Variants in TENT2 observed in about 807,000 individuals in gnomAD.
TENT2 encodes the protein terminal nucleotidyltransferase 2.
TENT2 carries 44 observed loss-of-function variants against 72.2 expected under a neutral mutation model. That is an observed-to-expected ratio of 0.61 (90% CI 0.48 to 0.78). TENT2 has a LOEUF of 0.78. TENT2 is among the 30% of genes least tolerant of loss of function. TENT2 has a pLI of 0.00. For missense variants in TENT2, 541 were observed against 569.6 expected (o/e 0.95, Z 0.51); for synonymous variants, 212 against 192.5 (o/e 1.10, Z -0.84).
chr5:79,660,652 A>G (rs1802096000), intron 11 of TENT2, among the ~76,000 whole-genome samples: 1 of 152,214 alleles, frequency 6.6e-6, no homozygotes, highest in African/African-American at 2.4e-5. Flanking sequence ...ATGACAGACC[A>G]CATACATGAT....
chr5:79,619,939 TG>T, intron 2 of TENT2, 54 bp from the exon 3 acceptor site: 1 of 1,475,200 alleles, frequency 6.8e-7, no homozygotes, highest in African/African-American at 1.4e-5. Flanking sequence ...AGACTGGTTT[TG>T]TTTTTAAAGA....
In TENT2 at chr5:79,623,197, ATTTG is replaced by A. The variant is rs998280726; in HGVS notation, c.228-52_228-49del. 15 of 1,289,158 alleles carry A rather than the reference ATTTG, an allele frequency of 1.2e-5. No homozygotes were observed. In the African/African-American group the frequency reaches 1.8e-4, roughly 15 times the overall value. 79.9% of individuals were successfully genotyped at this position (1,289,158 alleles called of 1,614,324 possible). ...ATTTATATATATTTAATTGCTTTTT[ATTTG>A]TTATCAGAAAGTTGTATCTTTAATT... On this transcript the variant is annotated intron_variant, in intron 3 of 14. Coordinates refer to ENST00000453514, the MANE Select transcript of TENT2 (RefSeq NM_001114394.3).
At chr5:79,615,896 G>GT (rs1024857289) in intron 1 of TENT2, among the ~76,000 whole-genome samples, 71 of 145,286 alleles carry the variant, frequency 4.9e-4, no homozygotes, top group South Asian at 8.8e-4. Context: ...TTGTGTGTTT[G>GT]TTTTTTTTTT....
At chr5:79,685,082 A>C (rs1455232538) in intron 14 of TENT2, 117 bp from the exon 15 acceptor site, 1 of 834,512 alleles carries the variant, frequency 1.2e-6, no homozygotes, top group Admixed American at 3.0e-5. Flanking sequence ...TTTGAAGGAA[A>C]AAATTATTCA....
chr5:79,648,295 G>A (rs1013155989), intron 8 of TENT2, among the ~76,000 whole-genome samples: 1 of 151,960 alleles, frequency 6.6e-6, no homozygotes, highest in Non-Finnish European at 1.5e-5. Context: ...GCCACAGAGC[G>A]AGACTCCATC....
intron 4 of TENT2, among the ~76,000 whole-genome samples, chr5:79,624,037 A>G (rs1047418145): frequency 1.3e-5 from 2 of 152,230 alleles, no homozygotes; most frequent in African/African-American, 2.4e-5. Context: ...TTGGGGAACA[A>G]TGAGTTATTT....
chr5:79,659,196 A>G (rs1800172476), intron 11 of TENT2, among the ~76,000 whole-genome samples: 1 of 151,904 alleles, frequency 6.6e-6, no homozygotes, highest in South Asian at 2.1e-4. Flanking sequence ...ACACATTTTT[A>G]ATGGTCCGTC....
At chr5:79,683,686 C>T (rs573727452) in intron 14 of TENT2, among the ~76,000 whole-genome samples, 13 of 151,706 alleles carry the variant, frequency 8.6e-5, no homozygotes, top group East Asian at 3.9e-4. Flanking sequence ...GAGGCCGAGG[C>T]GGGCGGATCA....
rs753423567 is a variant in TENT2 at position 79,648,725 on chromosome 5, C to T, written c.898+32C>T. On this transcript the variant is annotated intron_variant, in intron 9 of 14. Coordinates refer to ENST00000453514, the MANE Select transcript of TENT2 (RefSeq NM_001114394.3). ...TTGTTGTTTGTTTATTAAAAATTAG[C>T]CTTTTTTTCTTTATTCATTTTTAAA... is the stretch of plus-strand genomic sequence containing the variant. The T allele has an allele frequency of 1.4e-5, 21 of 1,480,350 alleles. No homozygotes were observed. The East Asian group carries it at 4.1e-4, about 29-fold the overall frequency. 91.7% of individuals were successfully genotyped at this position (1,480,350 alleles called of 1,614,324 possible).
chr5:79,676,356 TGG>T (rs1289970669), intron 12 of TENT2, among the ~76,000 whole-genome samples: 2 of 151,980 alleles, frequency 1.3e-5, no homozygotes, highest in African/African-American at 4.8e-5. Flanking sequence ...GAGGCTGAGG[TGG>T]GCAGATCGCT....
Position 79,623,320 on chromosome 5 carries a change from A to G in TENT2, c.296A>G (p.Glu99Gly). 1 of 1,613,680 alleles carries G rather than the reference A, an allele frequency of 6.2e-7. No individual in the cohort carries two copies. Residue 99 changes from glutamate (E) to glycine (G), a missense_variant, in exon 4 of 15, where the codon GAG becomes GGG. Glu to Gly is a moderately conservative substitution (Grantham distance 98). Transcript: ENST00000453514. The stretch of plus-strand genomic sequence containing the variant: ...CAACGTTTCCATTCACCCCACCAAG[A>G]GCCAACTGTAGTTAACCAGATAGTG... ...KRQRFHSPHQ[E>G]PTVVNQIVPL...
At chr5:79,684,288 C>G (rs1390068474) in intron 14 of TENT2, among the ~76,000 whole-genome samples, 2 of 152,146 alleles carry the variant, frequency 1.3e-5, no homozygotes, top group Admixed American at 6.6e-5. Flanking sequence ...TTCATAAATA[C>G]TATATATTTT....
At chr5:79,681,798 C>T (rs1362778919) in intron 13 of TENT2, 184 bp from the exon 14 acceptor site, 12 of 483,242 alleles carry the variant, frequency 2.5e-5, no homozygotes, top group Non-Finnish European at 4.5e-5. Flanking sequence ...CCTTATTAGG[C>T]AGTTCATAGT....
intron 14 of TENT2, among the ~76,000 whole-genome samples, chr5:79,682,997 A>G (rs1390432588): frequency 6.6e-6 from 1 of 152,130 alleles, no homozygotes; most frequent in South Asian, 2.1e-4. Flanking sequence ...TTCATTATCT[A>G]GACATTCAAG....
In TENT2 at chr5:79,648,951, A is replaced by G. The variant is rs146459235; in HGVS notation, c.899-111A>G. The G allele has an allele frequency of 4.6e-5, 55 of 1,203,344 alleles. No homozygotes were observed. The African/African-American group carries it at 7.7e-4, about 17-fold the overall frequency. 74.5% of individuals were successfully genotyped at this position (1,203,344 alleles called of 1,614,324 possible). A position where few individuals can be genotyped will look rare whatever the true frequency, so the allele number is the denominator to read the frequency against. On this transcript the variant is annotated intron_variant, in intron 9 of 14. Coordinates refer to ENST00000453514, the MANE Select transcript of TENT2 (RefSeq NM_001114394.3). ...CACAAAGTGAACAGACACAGTGTTT[A>G]ATATACACGGAGACAGTGTTCTTTG... is the stretch of plus-strand genomic sequence containing the variant.
chr5:79,672,681 T>TA lies in TENT2; in HGVS notation c.1208+3654dup, dbSNP rs1813881673. ...TCAATAGTACTCTATTGTGGATAAG[T>TA]ACCACCTATTATTTATCCATTCCTC... On this transcript the variant is annotated intron_variant, in intron 12 of 14. Coordinates refer to ENST00000453514, the MANE Select transcript of TENT2 (RefSeq NM_001114394.3). 2.0e-5 allele frequency among the ~76,000 whole-genome samples: 3 copies of TA among 152,368 alleles called. No homozygotes were observed. In the South Asian group the frequency reaches 6.2e-4, roughly 32 times the overall value.
intron 11 of TENT2, among the ~76,000 whole-genome samples, chr5:79,661,630 C>T (rs912307240): frequency 2.0e-5 from 3 of 152,098 alleles, no homozygotes; most frequent in Non-Finnish European, 2.9e-5. Flanking sequence ...ATGTACATAC[C>T]TTTGTTTAAA....
intron 4 of TENT2, among the ~76,000 whole-genome samples, chr5:79,627,453 A>G (rs1467215729): frequency 1.3e-5 from 2 of 152,206 alleles, no homozygotes; most frequent in Non-Finnish European, 2.9e-5. Context: ...GATTTATCTC[A>G]GAAGGCTAAA....
intron 11 of TENT2, among the ~76,000 whole-genome samples, chr5:79,662,410 A>G (rs1263749489): frequency 6.6e-6 from 1 of 152,200 alleles, no homozygotes; most frequent in Non-Finnish European, 1.5e-5. Context: ...AAAGCTTTCA[A>G]TGTACTTTGT....
Sources: allele counts gnomAD v4.1 joint callset (sites outside exome capture counted in the v4.1 genomes callset), GRCh38; gene constraint gnomAD v4.1.1; transcripts MANE v1.5; gene names NCBI Gene and HGNC (gene_info 2026-07-23, HGNC 2026-07-21).